The following WARS2 variants were observed in gnomAD, a reference collection of about 807,000 sequenced individuals.
WARS2 encodes the protein tryptophanyl tRNA synthetase 2, mitochondrial.
In WARS2, 28 loss-of-function variants were observed where a neutral mutation model predicts 36.5. The observed-to-expected ratio is 0.77, with a 90% CI of 0.57 to 1.05. The LOEUF (loss-of-function observed/expected upper bound fraction) is 1.05. WARS2 is among the 50% of genes least tolerant of loss of function. The probability of loss-of-function intolerance (pLI) is 0.00; values close to 1 mark genes in which losing one functional copy is unlikely to be tolerated. For synonymous variants in WARS2, 174 were observed against 178.4 expected (o/e 0.98, Z 0.20); for missense variants, 435 against 456.8 (o/e 0.95, Z 0.44).
intron 4 of WARS2, among the ~76,000 whole-genome samples, chr1:119,040,625 A>G (rs1648270309): frequency 6.6e-6 from 1 of 152,224 alleles, no homozygotes; most frequent in African/African-American, 2.4e-5. Context: ...CTTTGGTTCT[A>G]TAAAGAAGTA....
rs774946774 is a variant in WARS2 at position 119,075,154 on chromosome 1, G to GTATATATATATA, written c.348+1195_348+1196insTATATATATATA. Among the ~76,000 whole-genome samples the GTATATATATATA allele has an allele frequency of 2.0e-3, 300 of 151,086 alleles. 1 individual carries two copies. Among genetic ancestry groups the GTATATATATATA allele is most frequent in the Middle Eastern group, 0.01 (3 of 290 alleles). On this transcript the variant is annotated intron_variant, in intron 2 of 5. Coordinates refer to ENST00000235521, the MANE Select transcript of WARS2 (RefSeq NM_015836.4). ...ATCTCTAAAAATTTAAAAAATTAGT[G>GTATATATATATA]TATATATATACATATATATGAAATC...
chr1:119,033,129 C>T lies in WARS2; in HGVS notation c.865G>A (p.Glu289Lys), dbSNP rs1339551326. ...ATGCCCGCGCTGCGGCGCACCACTT[C>T]CTCCACGGAGAGCCCCGTCACCGCG... ...HAAVTGLSVE[E>K]VVRRSAGMNT... The change falls in exon 6 of 6, where the codon GAA becomes AAA. Residue 289 changes from glutamate to lysine, a missense_variant. Transcript: ENST00000235521. The T allele has an allele frequency of 6.2e-7, 1 of 1,614,194 alleles. No individual in the cohort carries two copies. The highest frequency in any genetic ancestry group is 8.5e-7 in the Non-Finnish European group (1 of 1,180,056).
At chr1:119,135,755 G>T (rs28412338) in intron 1 of WARS2, among the ~76,000 whole-genome samples, 23,150 of 126,904 alleles carry the variant, frequency 0.18, 2,060 homozygotes, top group East Asian at 0.41. Context: ...GATAGATAGA[G>T]AGATAGAGAG....
At chr1:119,034,028 C>A (rs1350568212) in intron 5 of WARS2, 67 bp downstream of exon 5, 7 of 1,418,488 alleles carry the variant, frequency 4.9e-6, no homozygotes, top group Non-Finnish European at 6.9e-6. Flanking sequence ...AAGTTCCAAG[C>A]CTATCTATTG....
chr1:119,096,009 A>C (rs1464138158), intron 1 of WARS2, among the ~76,000 whole-genome samples: 2 of 152,100 alleles, frequency 1.3e-5, no homozygotes, highest in African/African-American at 4.8e-5. Flanking sequence ...CATGGTTCTA[A>C]TTTGCACTTG....
intron 1 of WARS2, among the ~76,000 whole-genome samples, chr1:119,114,830 C>A (rs1654863441): frequency 6.6e-6 from 1 of 152,162 alleles, no homozygotes; most frequent in African/African-American, 2.4e-5. Flanking sequence ...CCTGTTTTAT[C>A]ACAGCGTAGA....
chr1:119,100,158 T>C lies in WARS2; in HGVS notation c.91-23551A>G, dbSNP rs76822426. Among the ~76,000 whole-genome samples, 284 of 152,254 alleles carry C rather than the reference T, an allele frequency of 1.9e-3. 7 individuals carry two copies. The East Asian group carries it at 0.048, about 26-fold the overall frequency. On this transcript the variant is annotated intron_variant, in intron 1 of 5. Coordinates refer to ENST00000235521, the MANE Select transcript of WARS2 (RefSeq NM_015836.4). ...AGTAGGGAAAGGAAATCAATAGATA[T>C]TCATCAAAAGAAGACATGAAAATGG...
intron 1 of WARS2, among the ~76,000 whole-genome samples, chr1:119,135,769 GA>G (rs1557764017): frequency 1.3e-5 from 2 of 151,994 alleles, no homozygotes; most frequent in Non-Finnish European, 1.5e-5. Context: ...TAGAGAGAGA[GA>G]GAGAGATGGG....
chr1:119,088,573 C>T (rs961369823), intron 1 of WARS2, among the ~76,000 whole-genome samples: 3 of 152,154 alleles, frequency 2.0e-5, no homozygotes, highest in Non-Finnish European at 1.5e-5. Context: ...TAGGCAGAGG[C>T]CCCTTTGGCT....
intron 1 of WARS2, among the ~76,000 whole-genome samples, chr1:119,097,362 T>C (rs1653512242): frequency 6.6e-6 from 1 of 152,234 alleles, no homozygotes; most frequent in Non-Finnish European, 1.5e-5. Context: ...CCACCGGCAC[T>C]ACTGGGTTAA....
chr1:119,120,290 C>T (rs1341778960), intron 1 of WARS2, among the ~76,000 whole-genome samples: 2 of 151,770 alleles, frequency 1.3e-5, no homozygotes, highest in African/African-American at 2.4e-5. Context: ...TGTGCATAAA[C>T]TAGAAAACCT....
intron 1 of WARS2, among the ~76,000 whole-genome samples, chr1:119,084,529 A>G (rs1474432367): frequency 1.3e-5 from 2 of 152,202 alleles, no homozygotes; most frequent in Non-Finnish European, 2.9e-5. Context: ...TTGTAATGAA[A>G]AAGAAAAGAC....
At chr1:119,051,834 C>T (rs1649388789) in intron 2 of WARS2, among the ~76,000 whole-genome samples, 1 of 142,816 alleles carries the variant, frequency 7.0e-6, no homozygotes, top group Non-Finnish European at 1.5e-5. Context: ...GTGGCGCGAT[C>T]GGCAACCTCC....
At chr1:119,082,821 C>T (rs1364719905) in intron 1 of WARS2, among the ~76,000 whole-genome samples, 3 of 152,088 alleles carry the variant, frequency 2.0e-5, no homozygotes, top group Admixed American at 2.0e-4. Context: ...AAGGTGTGAC[C>T]CCCTCAAAAT....
chr1:119,128,965 G>T (rs1451541551), intron 1 of WARS2, among the ~76,000 whole-genome samples: 1 of 152,142 alleles, frequency 6.6e-6, no homozygotes, highest in Non-Finnish European at 1.5e-5. Flanking sequence ...AAGAAGTTTT[G>T]TTCTATTTTA....
At chr1:119,131,458 G>GTTTTTTTTTTTTT (rs761800862) in intron 1 of WARS2, among the ~76,000 whole-genome samples, 1 of 134,302 alleles carries the variant, frequency 7.4e-6, no homozygotes, top group African/African-American at 2.9e-5. Context: ...AAAGTTTTTT[G>GTTTTTTTTTTTTT]TTTTTTGTTT....
chr1:119,118,954 C>A lies in WARS2; in HGVS notation c.90+21601G>T, dbSNP rs587702733. Among the ~76,000 whole-genome samples, 430 of 151,966 alleles carry A rather than the reference C, an allele frequency of 2.8e-3. 2 individuals carry two copies. Among genetic ancestry groups the A allele is most frequent in the African/African-American group, 0.01 (418 of 41,488 alleles). ...GAGTCATAAATCTTGAAACAAAACC[C>A]CAAAATAGAACCTCCTTAAAGCATA... On this transcript the variant is annotated intron_variant, in intron 1 of 5. Coordinates refer to ENST00000235521, the MANE Select transcript of WARS2 (RefSeq NM_015836.4).
At chr1:119,094,979 T>G (rs1156400057) in intron 1 of WARS2, among the ~76,000 whole-genome samples, 1 of 152,180 alleles carries the variant, frequency 6.6e-6, no homozygotes, top group Non-Finnish European at 1.5e-5. Flanking sequence ...ATCTCAATAA[T>G]CTCTGGAAGC....
intron 1 of WARS2, among the ~76,000 whole-genome samples, chr1:119,105,627 T>G (rs920795809): frequency 6.6e-6 from 1 of 152,022 alleles, no homozygotes. Flanking sequence ...AAAAGGGCAT[T>G]AGGCCGGGCA....
Sources: gnomAD v4.1 joint callset for allele counts (sites outside exome capture counted in the v4.1 genomes callset) on GRCh38, gnomAD v4.1.1 for gene constraint, MANE v1.5 for transcripts, NCBI Gene and HGNC (gene_info 2026-07-23, HGNC 2026-07-21) for gene names.